The following SNX8 variants were observed in gnomAD, a reference collection of about 807,000 sequenced individuals.
The protein encoded by SNX8 is sorting nexin-8.
Under a neutral mutation model 51.6 loss-of-function variants are expected in SNX8, and 25 were observed. The observed-to-expected ratio is 0.48, with a 90% CI of 0.35 to 0.68. The LOEUF (loss-of-function observed/expected upper bound fraction) is 0.68, where lower values mean the gene tolerates loss of function less well. SNX8 is among the 30% of genes least tolerant of loss of function. The probability of loss-of-function intolerance (pLI) is 0.00; values close to 1 mark genes in which losing one functional copy is unlikely to be tolerated. For missense variants in SNX8, 695 were observed against 624.0 expected, an observed-to-expected ratio of 1.11 and a Z score of -1.21; for synonymous variants, 324 against 277.0, an observed-to-expected ratio of 1.17 and a Z score of -1.68.
At chr7:2,319,802 G>A (rs192742608) in intron 1 of SNX8, among the ~76,000 whole-genome samples, 7 of 133,586 alleles carry the variant, frequency 5.2e-5, no homozygotes, top group Admixed American at 3.4e-4. Flanking sequence ...GCGACAGAGC[G>A]AGACTCCGTC....
At chr7:2,327,257 T>G (rs1452488490) in intron 1 of SNX8, among the ~76,000 whole-genome samples, 1 of 152,128 alleles carries the variant, frequency 6.6e-6, no homozygotes, top group African/African-American at 2.4e-5. Flanking sequence ...TTTTTTGTTT[T>G]GAGACAGAGT....
intron 1 of SNX8, among the ~76,000 whole-genome samples, chr7:2,292,179 C>G (rs1796165081): frequency 6.6e-6 from 1 of 152,010 alleles, no homozygotes; most frequent in Admixed American, 6.6e-5. Context: ...AGGAGAATCA[C>G]TTGAACCTGG....
chr7:2,278,210 G>A lies in SNX8; in HGVS notation c.190C>T (p.Leu64=). 1 of 1,613,164 alleles carries A rather than the reference G, an allele frequency of 6.2e-7. No individual in the cohort carries two copies. Among genetic ancestry groups the A allele is most frequent in the Non-Finnish European group, 8.5e-7 (1 of 1,179,446 alleles). ...AGCAGCTCCTGCAGGGTGTGGGACAGCAGCAGCGGGTTCCCCTGCGGCATC... is the reference window on the plus strand; with the variant it reads ...AGCAGCTCCTGCAGGGTGTGGGACAACAGCAGCGGGTTCCCCTGCGGCATC... ...MQMPQGNPLL[L]SHTLQELLAR... is the part of the protein sequence containing the mutation. The change falls in exon 2 of 11, where the codon CTG becomes TTG. Residue 64 remains leucine, a synonymous_variant. Coordinates refer to ENST00000222990, the MANE Select transcript of SNX8 (RefSeq NM_013321.4).
chr7:2,352,434 A>G (rs965395231), intron 1 of SNX8, among the ~76,000 whole-genome samples: 1 of 152,140 alleles, frequency 6.6e-6, no homozygotes, highest in Non-Finnish European at 1.5e-5. Flanking sequence ...ACACACCACC[A>G]GACACCACAT....
At chr7:2,270,148 C>T (rs1232342990) in intron 4 of SNX8, among the ~76,000 whole-genome samples, 3 of 151,904 alleles carry the variant, frequency 2.0e-5, no homozygotes, top group Non-Finnish European at 4.4e-5. Flanking sequence ...CCCCTGGCAC[C>T]GGAGCCCTCT....
intron 1 of SNX8, among the ~76,000 whole-genome samples, chr7:2,321,805 C>A (rs1778519420): frequency 6.9e-6 from 1 of 145,634 alleles, no homozygotes; most frequent in Non-Finnish European, 1.5e-5. Flanking sequence ...CTCACTGCAA[C>A]CTCTGCCTCC....
At chr7:2,336,210 T>G (rs937116974) in intron 1 of SNX8, among the ~76,000 whole-genome samples, 1 of 150,964 alleles carries the variant, frequency 6.6e-6, no homozygotes, top group East Asian at 2.0e-4. Flanking sequence ...GAGACCAGCC[T>G]GACCAACATG....
At chr7:2,338,874 T>G (rs944739750) in intron 1 of SNX8, among the ~76,000 whole-genome samples, 1 of 152,010 alleles carries the variant, frequency 6.6e-6, no homozygotes. Context: ...ATCAGGAGTT[T>G]GAGACCACCC....
intron 1 of SNX8, among the ~76,000 whole-genome samples, chr7:2,307,179 C>T (rs57379607): frequency 6.6e-6 from 1 of 152,304 alleles, no homozygotes; most frequent in East Asian, 1.9e-4. Context: ...CTCCTCAGTC[C>T]TCCCAAAAGG....
chr7:2,297,339 T>C (rs545958087), intron 1 of SNX8, among the ~76,000 whole-genome samples: 2 of 151,494 alleles, frequency 1.3e-5, no homozygotes, highest in South Asian at 4.2e-4. Flanking sequence ...TCACTTGAGG[T>C]CAGGAGTTCG....
chr7:2,258,466 A>C (rs1474698683), intron 7 of SNX8, among the ~76,000 whole-genome samples: 12 of 151,506 alleles, frequency 7.9e-5, no homozygotes, highest in Non-Finnish European at 1.8e-4. Flanking sequence ...CAGATGCCCC[A>C]GACCCCCCGA....
At chr7:2,325,863 AT>A (rs1778614745) in intron 1 of SNX8, among the ~76,000 whole-genome samples, 1 of 152,188 alleles carries the variant, frequency 6.6e-6, no homozygotes, top group Non-Finnish European at 1.5e-5. Flanking sequence ...AAATAAAAAA[AT>A]AAAAGAAGGT....
chr7:2,283,587 T>G (rs1016457387), intron 1 of SNX8, among the ~76,000 whole-genome samples: 16 of 152,172 alleles, frequency 1.1e-4, no homozygotes, highest in African/African-American at 3.4e-4. Flanking sequence ...AGTTCCCTGC[T>G]CTTCCACGAC....
Position 2,256,977 on chromosome 7 carries a change from A to C in SNX8, c.1181T>G (p.Leu394Arg), listed in dbSNP as rs760838410. ...QTMELRNYFS[L>R]YCLHQETQLI... ...CTGCGTCTCCTGGTGCAGGCAGTACAGGGAGAAGTAGTTCCGCAGCTCCAT... is the reference window on the plus strand; with the variant it reads ...CTGCGTCTCCTGGTGCAGGCAGTACCGGGAGAAGTAGTTCCGCAGCTCCAT... The change falls in exon 10 of 11, where the codon CTG becomes CGG. Residue 394 changes from leucine (L) to arginine (R), a missense_variant. Transcript: ENST00000222990. 6.2e-7 allele frequency: 1 copy of C among 1,613,098 alleles called. No individual in the cohort carries two copies. Among genetic ancestry groups the C allele is most frequent in the East Asian group, 2.2e-5 (1 of 44,844 alleles).
chr7:2,334,403 A>C (rs1778788768), intron 1 of SNX8, among the ~76,000 whole-genome samples: 1 of 146,122 alleles, frequency 6.8e-6, no homozygotes, highest in African/African-American at 2.5e-5. Flanking sequence ...ACTCCATCTC[A>C]AAAAAAAAAA....
chr7:2,347,159 C>T (rs545032465), intron 1 of SNX8, among the ~76,000 whole-genome samples: 1 of 152,058 alleles, frequency 6.6e-6, no homozygotes, highest in South Asian at 2.1e-4. Flanking sequence ...ACACCCTCCG[C>T]CCCCACCATC....
intron 1 of SNX8, among the ~76,000 whole-genome samples, chr7:2,282,853 G>A (rs1028901377): frequency 6.6e-6 from 1 of 152,168 alleles, no homozygotes; most frequent in Non-Finnish European, 1.5e-5. Context: ...CAGGCATGGT[G>A]GCTCACGCCT....
intron 1 of SNX8, among the ~76,000 whole-genome samples, chr7:2,324,981 C>G (rs528914020): frequency 6.8e-6 from 1 of 147,760 alleles, no homozygotes; most frequent in Non-Finnish European, 1.5e-5. Flanking sequence ...TGGTGGCACA[C>G]GCCTGTAGTC....
At chr7:2,265,930 AG>A (rs1795452217) in intron 5 of SNX8, among the ~76,000 whole-genome samples, 1 of 152,144 alleles carries the variant, frequency 6.6e-6, no homozygotes, top group East Asian at 1.9e-4. Flanking sequence ...TGGGCAACAT[AG>A]TGAGACTTCA....
Sources: gnomAD v4.1 joint callset for allele counts (sites outside exome capture counted in the v4.1 genomes callset) on GRCh38, gnomAD v4.1.1 for gene constraint, MANE v1.5 for transcripts, NCBI Gene and HGNC (gene_info 2026-07-23, HGNC 2026-07-21) for gene names.